Variants in MARCO observed in about 807,000 individuals in gnomAD.
MARCO encodes macrophage receptor with collagenous structure, also known as macrophage receptor MARCO.
MARCO carries 72 observed loss-of-function variants against 70.0 expected under a neutral mutation model. The observed-to-expected ratio is 1.03, with a 90% CI of 0.85 to 1.25. The LOEUF (loss-of-function observed/expected upper bound fraction) is 1.25, where lower values mean the gene tolerates loss of function less well. MARCO is among the 50% of genes most tolerant of loss of function. The pLI, the probability that MARCO is intolerant of heterozygous loss-of-function variation, is 0.00. For synonymous variants in MARCO, 273 were observed against 243.1 expected, an observed-to-expected ratio of 1.12 and a Z score of -1.14; for missense variants, 696 against 659.3, an observed-to-expected ratio of 1.06 and a Z score of -0.61.
Position 118,957,952 on chromosome 2 carries a change from C to G in MARCO, c.98-11208C>G, listed in dbSNP as rs909026126. The stretch of plus-strand genomic sequence containing the variant: ...AAAGCATTCAATAAAATCCAGCATC[C>G]CTTTATGATTAAAACCCTCAGTAAA... On this transcript the variant is annotated intron_variant, in intron 1 of 16. Coordinates refer to ENST00000327097, the MANE Select transcript of MARCO (RefSeq NM_006770.4). Among the ~76,000 whole-genome samples, 23 of 151,916 alleles carry G rather than the reference C, an allele frequency of 1.5e-4. 1 individual carries two copies. The highest frequency in any genetic ancestry group is 1.4e-3 in the Admixed American group (21 of 15,256).
At position 118,942,416 on chromosome 2, in the gene MARCO, A is replaced by G. The variant is rs752060112; in HGVS notation, c.97+19A>G. 1.4e-5 allele frequency: 21 copies of G among 1,553,610 alleles called. No homozygotes were observed. Among genetic ancestry groups the G allele is most frequent in the Middle Eastern group, 1.7e-4 (1 of 5,976 alleles). On this transcript the variant is annotated intron_variant, in intron 1 of 16. Transcript: ENST00000327097. ...ATCAATGGTAAAGTACGATTCCCCA[A>G]TAATGGAAATGACCAGAAATGTAGT...
chr2:118,992,339 C>A, intron 14 of MARCO, 93 bp from the exon 15 acceptor site: 1 of 1,047,378 alleles, frequency 9.5e-7, no homozygotes, highest in South Asian at 1.3e-5. Context: ...TGACCACTCC[C>A]AACCCTCCAC....
intron 12 of MARCO, among the ~76,000 whole-genome samples, chr2:118,984,141 TGAGTTCTCCCTCCC>T (rs1680444061): frequency 2.0e-5 from 3 of 152,332 alleles, no homozygotes; most frequent in African/African-American, 7.2e-5. Flanking sequence ...CAGTCTATCA[TGAGTTCTCCCTCCC>T]CAGCCCCACA....
At chr2:118,967,303 G>C (rs1175688901) in intron 1 of MARCO, among the ~76,000 whole-genome samples, 5 of 152,162 alleles carry the variant, frequency 3.3e-5, no homozygotes, top group Non-Finnish European at 7.4e-5. Context: ...AGTATTCAGG[G>C]GACACACATT....
Position 118,993,118 on chromosome 2 carries a change from A to T in MARCO, c.1253-6A>T. On this transcript the variant is annotated splice_region_variant and splice_polypyrimidine_tract_variant and intron_variant, in intron 15 of 16. Coordinates refer to ENST00000327097, the MANE Select transcript of MARCO (RefSeq NM_006770.4). ...TTGCCTCTCCCATGTGTGTTTCTTC[A>T]CCCAGGTGAAAACTCAGTGTCCGTC... The T allele has an allele frequency of 6.2e-7, 1 of 1,613,962 alleles. No homozygotes were observed. The highest frequency in any genetic ancestry group is 8.5e-7 in the Non-Finnish European group (1 of 1,179,892).
At chr2:118,989,700 C>T (rs1463367387) in intron 12 of MARCO, among the ~76,000 whole-genome samples, 1 of 152,226 alleles carries the variant, frequency 6.6e-6, no homozygotes, top group African/African-American at 2.4e-5. Flanking sequence ...GTTGACTGAG[C>T]TCCATGCTTG....
Position 118,986,713 on chromosome 2 carries a change from GAAAGAAAGAAAA to G in MARCO, c.1064-3875_1064-3864del, listed in dbSNP as rs1220321935. 6.0e-4 allele frequency among the ~76,000 whole-genome samples: 60 copies of G among 99,852 alleles called. 14 individuals carry two copies. Among genetic ancestry groups the G allele is most frequent in the African/African-American group, 2.7e-3 (56 of 20,642 alleles). 65.5% of individuals were successfully genotyped at this position (99,852 alleles called of 152,430 possible). A position where few individuals can be genotyped will look rare whatever the true frequency, so the allele number is the denominator to read the frequency against. ...AGAAAGAAAGAAAGAAAGAAAGAAA[GAAAGAAAGAAAA>G]GAAAGAAAGAAAGAGAAAGAAAGAG... On this transcript the variant is annotated intron_variant, in intron 12 of 16. Coordinates refer to ENST00000327097, the MANE Select transcript of MARCO (RefSeq NM_006770.4).
At chr2:118,948,608 A>T (rs1679649361) in intron 1 of MARCO, among the ~76,000 whole-genome samples, 1 of 152,214 alleles carries the variant, frequency 6.6e-6, no homozygotes. Context: ...CTTCAACAAG[A>T]AGGAAAACTT....
At chr2:118,978,905 C>T (rs1045585769) in intron 8 of MARCO, among the ~76,000 whole-genome samples, 2 of 152,108 alleles carry the variant, frequency 1.3e-5, no homozygotes, top group Non-Finnish European at 2.9e-5. Flanking sequence ...GGAAGGACTT[C>T]AGTTTCAAGA....
intron 12 of MARCO, 22 bp downstream of exon 12, chr2:118,982,432 GA>G (rs767021234): frequency 3.1e-6 from 5 of 1,611,802 alleles, no homozygotes. Context: ...TGCAGTGGGT[GA>G]GTAGGTGGGC....
intron 12 of MARCO, among the ~76,000 whole-genome samples, chr2:118,988,417 C>T (rs1015837479): frequency 6.6e-6 from 1 of 151,844 alleles, no homozygotes; most frequent in Non-Finnish European, 1.5e-5. Flanking sequence ...ATGTGAACAG[C>T]GTATGTCAAG....
intron 1 of MARCO, chr2:118,949,760 C>T (rs907275760): frequency 2.0e-5 from 3 of 152,174 alleles, no homozygotes; most frequent in Admixed American, 6.5e-5. Context: ...GTGTCCATCC[C>T]TTTCCGCTGT....
intron 1 of MARCO, among the ~76,000 whole-genome samples, chr2:118,955,459 A>C (rs1160856290): frequency 6.6e-6 from 1 of 152,180 alleles, no homozygotes; most frequent in Non-Finnish European, 1.5e-5. Flanking sequence ...AATTATGGTA[A>C]ACAACCACAC....
intron 1 of MARCO, chr2:118,952,498 C>CACAA (rs1354646652): frequency 6.6e-6 from 1 of 152,340 alleles, no homozygotes; most frequent in Non-Finnish European, 1.5e-5. Context: ...TCACCATCCA[C>CACAA]ACAAACAACA....
chr2:118,954,195 T>TC (rs954675938), intron 1 of MARCO, among the ~76,000 whole-genome samples: 2 of 152,040 alleles, frequency 1.3e-5, no homozygotes, highest in African/African-American at 4.8e-5. Flanking sequence ...TGTCTCCCCC[T>TC]CCCCCTGGAA....
chr2:118,981,035 A>G (rs113733900), intron 8 of MARCO, among the ~76,000 whole-genome samples: 4 of 152,216 alleles, frequency 2.6e-5, no homozygotes, highest in African/African-American at 9.6e-5. Flanking sequence ...AGCATTTGGG[A>G]TCTGCTTTTC....
intron 13 of MARCO, 66 bp downstream of exon 13, chr2:118,990,699 C>T (rs2104612155): frequency 6.6e-7 from 1 of 1,509,708 alleles, no homozygotes; most frequent in Admixed American, 1.7e-5. Flanking sequence ...TCTCAGAGGG[C>T]AGGTCTTGTT....
In MARCO at chr2:118,980,936, A is replaced by G. The variant is rs79035755; in HGVS notation, c.767-473A>G. Among the ~76,000 whole-genome samples, 105 of 152,318 alleles carry G rather than the reference A, an allele frequency of 6.9e-4. 4 individuals are homozygous for G. In the East Asian group the frequency reaches 0.018, roughly 26 times the overall value. ...AAGTGGAAAATTTGAAATCTTGGGTACCAGGAAAGCCCATGTCTGAAGTGC... is the reference window on the plus strand; with the variant it reads ...AAGTGGAAAATTTGAAATCTTGGGTGCCAGGAAAGCCCATGTCTGAAGTGC... On this transcript the variant is annotated intron_variant, in intron 8 of 16. Transcript: ENST00000327097.
Position 118,990,629 on chromosome 2 carries a change from TC to T in MARCO, c.1106del (p.Pro369GlnfsTer6). On this transcript the variant is annotated frameshift_variant, in exon 13 of 17. Transcript: ENST00000327097. LOFTEE classifies it high-confidence loss of function. The stretch of plus-strand genomic sequence containing the variant: ...AAGGAAGAAAAGGAGAATCAGGAGT[TC>T]CAGGTAAAGGGCAGGCTGCATCTTC... ...QQGRKGESGV[P>X]GPAGVKGEQG... 1 of 1,570,426 alleles carries T rather than the reference TC, an allele frequency of 6.4e-7. No individual in the cohort carries two copies. The highest frequency in any genetic ancestry group is 1.7e-5 in the Admixed American group (1 of 58,822).
Sources: allele counts gnomAD v4.1 joint callset (sites outside exome capture counted in the v4.1 genomes callset), GRCh38; gene constraint gnomAD v4.1.1; transcripts MANE v1.5; gene names NCBI Gene and HGNC (gene_info 2026-07-23, HGNC 2026-07-21).